The following GRM1 variants were observed in gnomAD, a reference collection of about 807,000 sequenced individuals.
GRM1 encodes the protein glutamate metabotropic receptor 1, also known as metabotropic glutamate receptor 1.
Under a neutral mutation model 90.9 loss-of-function variants are expected in GRM1, and 33 were observed. The observed-to-expected ratio is 0.36, with a 90% CI of 0.28 to 0.49. GRM1 has a LOEUF of 0.49. Among genes scored for constraint, GRM1 ranks in the 20% least tolerant of loss-of-function variants. GRM1 has a pLI of 0.99. For synonymous variants in GRM1, 700 were observed against 613.2 expected (o/e 1.14, Z -2.09); for missense variants, 1,190 against 1,534.3 (o/e 0.78, Z 3.75).
intron 1 of GRM1, among the ~76,000 whole-genome samples, chr6:146,134,151 T>C (rs1776517446): frequency 6.6e-6 from 1 of 152,210 alleles, no homozygotes; most frequent in Non-Finnish European, 1.5e-5. Flanking sequence ...CTGCAGCATA[T>C]TGAATACCAC....
intron 2 of GRM1, among the ~76,000 whole-genome samples, chr6:146,163,252 T>G (rs2128892292): frequency 6.6e-6 from 1 of 152,286 alleles, no homozygotes; most frequent in South Asian, 2.1e-4. Flanking sequence ...CACAATCAAG[T>G]TAATCATTGT....
At chr6:146,254,690 A>G (rs896093647) in intron 2 of GRM1, among the ~76,000 whole-genome samples, 6 of 152,292 alleles carry the variant, frequency 3.9e-5, no homozygotes, top group African/African-American at 1.4e-4. Flanking sequence ...CAGCCCAGTC[A>G]TGCCCCACTA....
rs1361875741 is a variant in GRM1 at position 146,399,421 on chromosome 6, C to G, written c.2382C>G (p.Thr794=). The change falls in exon 7 of 8, where the codon ACC becomes ACG. Residue 794 remains threonine (T), a synonymous_variant. Transcript: ENST00000282753. This position sits in a 1 kb window ranked among gnomAD's most constrained non-coding sequence, Gnocchi z 5.4. ...ATATCGCGTTCACCATGTACACCAC[C>G]TGTATCATCTGGCTAGCTTTTGTGC... ...AKYIAFTMYT[T]CIIWLAFVPI... is the part of the protein sequence containing the mutation. The G allele has an allele frequency of 4.3e-6, 7 of 1,614,196 alleles. No individual in the cohort carries two copies. The highest frequency in any genetic ancestry group is 5.9e-6 in the Non-Finnish European group (7 of 1,180,042).
chr6:146,095,216 G>A (rs1776837146), intron 1 of GRM1, among the ~76,000 whole-genome samples: 1 of 152,106 alleles, frequency 6.6e-6, no homozygotes, highest in Non-Finnish European at 1.5e-5. Context: ...TTCCACACCA[G>A]TGTGAACTCC....
At chr6:146,171,406 TC>T (rs1211544207) in intron 2 of GRM1, 2 of 160,016 alleles carry the variant, frequency 1.2e-5, no homozygotes, top group African/African-American at 4.8e-5. Context: ...CCATGTCCAG[TC>T]AAGGACACTT....
At position 146,029,358 on chromosome 6, in the gene GRM1, G is replaced by T. The variant is rs1790623112; in HGVS notation, c.-160G>T. The T allele has an allele frequency of 7.2e-6, 5 of 694,576 alleles. No individual in the cohort carries two copies. In the South Asian group the frequency reaches 7.9e-5, roughly 11 times the overall value. The allele number at this position is 694,576 out of a possible 1,614,324, so 43.0% of individuals were successfully genotyped here. ...AGAGGAGGAGACGAAGGGGAAGGAGGCGGTGGTGGAGGAGGCAAAGGCCTT... is the reference window on the plus strand; with the variant it reads ...AGAGGAGGAGACGAAGGGGAAGGAGTCGGTGGTGGAGGAGGCAAAGGCCTT... On this transcript the variant is annotated 5_prime_UTR_variant, in exon 1 of 8. Transcript: ENST00000282753.
At chr6:146,280,754 GACTAA>G (rs1782536248) in intron 2 of GRM1, among the ~76,000 whole-genome samples, 1 of 151,800 alleles carries the variant, frequency 6.6e-6, no homozygotes, top group Non-Finnish European at 1.5e-5. Context: ...TAGTAGCTGG[GACTAA>G]TGACACTAAC....
rs1784562427 is a variant in GRM1 at position 146,330,805 on chromosome 6, T to C, written c.1187-21445T>C. ...AAGTAAATCTAGCAGTTGTTCATTA[T>C]ATACTATTACATCATAATTAACTTG... is the stretch of plus-strand genomic sequence containing the variant. On this transcript the variant is annotated intron_variant, in intron 3 of 7. Coordinates refer to ENST00000282753, the MANE Select transcript of GRM1 (RefSeq NM_001278064.2). Among the ~76,000 whole-genome samples the C allele has an allele frequency of 3.3e-5, 5 of 152,316 alleles. No individual in the cohort carries two copies. In the South Asian group the frequency reaches 6.2e-4, roughly 19 times the overall value.
chr6:146,242,486 G>T (rs1780900403), intron 2 of GRM1, among the ~76,000 whole-genome samples: 1 of 152,120 alleles, frequency 6.6e-6, no homozygotes, highest in Admixed American at 6.6e-5. Flanking sequence ...ATTTATGGAA[G>T]AATATTTTCT....
At chr6:146,247,434 T>C (rs895657933) in intron 2 of GRM1, among the ~76,000 whole-genome samples, 2 of 151,942 alleles carry the variant, frequency 1.3e-5, no homozygotes, top group Non-Finnish European at 2.9e-5. Flanking sequence ...TTTAGAGGAA[T>C]CAATGTTAAA....
intron 7 of GRM1, among the ~76,000 whole-genome samples, chr6:146,407,636 G>A (rs1460804481): frequency 1.3e-5 from 2 of 152,116 alleles, no homozygotes; most frequent in Non-Finnish European, 2.9e-5. Context: ...CCCAAGGTGG[G>A]TACATTCATA....
chr6:146,145,064 A>C (rs1777035201), intron 1 of GRM1, among the ~76,000 whole-genome samples: 1 of 152,238 alleles, frequency 6.6e-6, no homozygotes, highest in South Asian at 2.1e-4. Flanking sequence ...TTCTAAGCAA[A>C]ACGGAAGAAG....
At chr6:146,229,576 G>A (rs912337896) in intron 2 of GRM1, among the ~76,000 whole-genome samples, 1 of 151,874 alleles carries the variant, frequency 6.6e-6, no homozygotes, top group Non-Finnish European at 1.5e-5. Flanking sequence ...CTTCAGGATT[G>A]TTTTTGAATA....
intron 1 of GRM1, among the ~76,000 whole-genome samples, chr6:146,123,596 A>G (rs969198768): frequency 1.4e-4 from 22 of 152,204 alleles, no homozygotes; most frequent in African/African-American, 4.8e-4. Context: ...CAGTACAGCA[A>G]TTCTGCAGCT....
intron 3 of GRM1, among the ~76,000 whole-genome samples, chr6:146,328,202 C>T (rs1475714045): frequency 6.6e-6 from 1 of 152,152 alleles, no homozygotes; most frequent in African/African-American, 2.4e-5. Flanking sequence ...TTATATTGTT[C>T]TCTAGATTTA....
Position 146,398,776 on chromosome 6 carries a change from G to A in GRM1, c.1737G>A (p.Glu579=). The A allele has an allele frequency of 6.2e-7, 1 of 1,608,172 alleles. No homozygotes were observed. ...WWPNADLTGC[E]PIPVRYLEWS... is the part of the protein sequence containing the mutation. ...TGATTTTTCTCATCACAGGCTGTGA[G>A]CCCATTCCTGTGCGCTATCTTGAGT... is the stretch of plus-strand genomic sequence containing the variant. The change falls in exon 7 of 8, where the codon GAG becomes GAA. Residue 579 remains glutamate (E), a synonymous_variant. Transcript: ENST00000282753.
intron 5 of GRM1, among the ~76,000 whole-genome samples, chr6:146,362,244 A>C (rs1013331152): frequency 5.3e-5 from 8 of 152,204 alleles, no homozygotes; most frequent in African/African-American, 1.9e-4. Flanking sequence ...TATTAGGTGA[A>C]TGTGGCACAC....
At chr6:146,417,529 T>C (rs1777832855) in intron 7 of GRM1, among the ~76,000 whole-genome samples, 1 of 152,234 alleles carries the variant, frequency 6.6e-6, no homozygotes, top group Admixed American at 6.5e-5. Context: ...AGAAATTGTA[T>C]GATAATTGCT....
At chr6:146,428,240 A>G (rs558294936) in intron 7 of GRM1, among the ~76,000 whole-genome samples, 2 of 152,244 alleles carry the variant, frequency 1.3e-5, no homozygotes, top group East Asian at 1.9e-4. Flanking sequence ...TTTTTTAAAG[A>G]TATGTTCTTC....
Sources: gnomAD v4.1 joint callset for allele counts (sites outside exome capture counted in the v4.1 genomes callset) on GRCh38, gnomAD v4.1.1 for gene constraint, Gnocchi (gnomAD v3.1) non-coding constraint, MANE v1.5 for transcripts, NCBI Gene and HGNC (gene_info 2026-07-23, HGNC 2026-07-21) for gene names.